The following LYG2 variants were observed in gnomAD, a reference collection of about 807,000 sequenced individuals.
LYG2 encodes the protein lysozyme g-like protein 2.
A neutral mutation model predicts 22.4 loss-of-function variants in LYG2; 25 were observed. The observed-to-expected ratio is 1.12, with a 90% CI of 0.81 to 1.56. The LOEUF is 1.56. Ranked by LOEUF, LYG2 falls within the 40% of genes most tolerant of loss-of-function variation. The pLI, the probability that LYG2 is intolerant of heterozygous loss-of-function variation, is 0.00. For synonymous variants in LYG2, 88 were observed against 97.0 expected (o/e 0.91, Z 0.55); for missense variants, 266 against 269.5 (o/e 0.99, Z 0.09).
At chr2:99,252,368 G>A (rs986640388) in intron 3 of LYG2, among the ~76,000 whole-genome samples, 16 of 150,774 alleles carry the variant, frequency 1.1e-4, no homozygotes, top group Non-Finnish European at 1.3e-4. Flanking sequence ...ATTTTTACAG[G>A]TGAAATGTTT....
At chr2:99,254,127 C>G (rs1398038665) in intron 3 of LYG2, 91 bp downstream of exon 3, 1 of 1,119,668 alleles carries the variant, frequency 8.9e-7, no homozygotes, top group Non-Finnish European at 1.4e-6. Flanking sequence ...TCTTCCATTA[C>G]AGGTAATCAT....
At chr2:99,243,486 GCAAA>G (rs1473304467) in intron 6 of LYG2, 245 of 1,421,916 alleles carry the variant, frequency 1.7e-4, no homozygotes, top group Admixed American at 8.8e-4. Context: ...TGAGAGGTAG[GCAAA>G]CAGATAGATA....
At chr2:99,246,588 A>T in intron 4 of LYG2, 92 bp downstream of exon 4, 4 of 1,438,666 alleles carry the variant, frequency 2.8e-6, no homozygotes, top group Non-Finnish European at 2.9e-6. Context: ...CATAATGATG[A>T]TTATACCTTT....
At chr2:99,253,028 G>A (rs1196194533) in intron 3 of LYG2, among the ~76,000 whole-genome samples, 3 of 123,282 alleles carry the variant, frequency 2.4e-5, no homozygotes, top group East Asian at 2.6e-4. Flanking sequence ...CAGCCTGGGC[G>A]ACAGAGCAAG....
Position 99,245,269 on chromosome 2 carries a change from A to G in LYG2, c.374T>C (p.Leu125Ser). ...GWDHRGLKFG[L>S]MQLDKQTYHP... is the part of the protein sequence containing the mutation. The stretch of plus-strand genomic sequence containing the variant: ...AAGTTTCTAGCTAAATACCTGCATC[A>G]AGCCAAATTTAAGTCCCCTGTGGTC... The change falls in exon 5 of 7, where the codon TTG becomes TCG. Residue 125 changes from leucine (L) to serine (S), a missense_variant. Physicochemically the swap from Leu to Ser is moderately radical, Grantham distance 145 (BLOSUM62 -2). Coordinates refer to ENST00000333017, the MANE Select transcript of LYG2 (RefSeq NM_175735.4). 1 of 1,603,970 alleles carries G rather than the reference A, an allele frequency of 6.2e-7. No homozygotes were observed. Among genetic ancestry groups the G allele is most frequent in the Non-Finnish European group, 8.5e-7 (1 of 1,174,508 alleles).
At chr2:99,254,388 C>T (rs182033682) in intron 2 of LYG2, 103 bp from the exon 3 acceptor site, 1 of 810,372 alleles carries the variant, frequency 1.2e-6, no homozygotes, top group Non-Finnish European at 2.0e-6. Flanking sequence ...ATTTCCAATT[C>T]ACTACTCATT....
intron 3 of LYG2, among the ~76,000 whole-genome samples, chr2:99,248,087 T>C (rs2105272154): frequency 6.6e-6 from 1 of 152,108 alleles, no homozygotes; most frequent in East Asian, 1.9e-4. Context: ...CAACAACAGG[T>C]GCTGGAGAGG....
rs776489443 is a variant in LYG2 at position 99,245,243 on chromosome 2, A to C, written c.381+19T>G. ...AGGAGGGATGCAGTGGGGCTGATAG[A>C]AAGTTTCTAGCTAAATACCTGCATC... On this transcript the variant is annotated intron_variant, in intron 5 of 6. Coordinates refer to ENST00000333017, the MANE Select transcript of LYG2 (RefSeq NM_175735.4). 6.4e-7 allele frequency: 1 copy of C among 1,567,038 alleles called. No individual in the cohort carries two copies. The highest frequency in any genetic ancestry group is 8.7e-7 in the Non-Finnish European group (1 of 1,152,572).
At chr2:99,251,422 G>C (rs2094026349) in intron 3 of LYG2, among the ~76,000 whole-genome samples, 1 of 152,034 alleles carries the variant, frequency 6.6e-6, no homozygotes, top group Admixed American at 6.6e-5. Flanking sequence ...ATTGTTGGTT[G>C]GTAATACTGT....
intron 3 of LYG2, among the ~76,000 whole-genome samples, chr2:99,251,331 A>G (rs1030350150): frequency 3.9e-5 from 6 of 152,246 alleles, no homozygotes; most frequent in Non-Finnish European, 7.3e-5. Flanking sequence ...ATATATCCAT[A>G]TAAGTCTATA....
Position 99,243,991 on chromosome 2 carries a change from C to A in LYG2, c.520+8G>T, listed in dbSNP as rs377205492. The A allele has an allele frequency of 6.2e-7, 1 of 1,614,028 alleles. No homozygotes were observed. The highest frequency in any genetic ancestry group is 8.5e-7 in the Non-Finnish European group (1 of 1,179,960). ...TCATTTAAACAAAGTACTCAGAATA[C>A]AGCCTACCTTTGAGGTGCTGAGCAA... is the stretch of plus-strand genomic sequence containing the variant. On this transcript the variant is annotated splice_region_variant and intron_variant, in intron 6 of 6. Coordinates refer to ENST00000333017, the MANE Select transcript of LYG2 (RefSeq NM_175735.4).
chr2:99,253,624 T>C (rs905877335), intron 3 of LYG2, among the ~76,000 whole-genome samples: 1 of 151,978 alleles, frequency 6.6e-6, no homozygotes, highest in Admixed American at 6.6e-5. Flanking sequence ...AGAAACCCCC[T>C]CGTCTGTCCA....
chr2:99,245,485 T>C (rs2094014457), intron 4 of LYG2, 27 bp from the exon 5 acceptor site: 1 of 1,496,394 alleles, frequency 6.7e-7, no homozygotes, highest in South Asian at 1.2e-5. Flanking sequence ...GAAACTGTTT[T>C]TCCGGGCATG....
chr2:99,261,065 T>G, the LYG2 span, among the ~76,000 whole-genome samples: 4 of 152,116 alleles, frequency 2.6e-5, no homozygotes, highest in Non-Finnish European at 5.9e-5. Flanking sequence ...CCATAAATGT[T>G]CATTTGGAGG....
chr2:99,259,389 C>T (rs896179777), upstream of LYG2, among the ~76,000 whole-genome samples: 12 of 151,686 alleles, frequency 7.9e-5, no homozygotes, highest in South Asian at 6.2e-4. Flanking sequence ...TGTAGTATAA[C>T]GATATAATGG....
chr2:99,247,539 A>G (rs1286985026), intron 3 of LYG2, among the ~76,000 whole-genome samples: 1 of 151,902 alleles, frequency 6.6e-6, no homozygotes, highest in Non-Finnish European at 1.5e-5. Context: ...CCTTCACCCA[A>G]ATAGTGAACA....
intron 3 of LYG2, among the ~76,000 whole-genome samples, chr2:99,250,653 C>A (rs527806767): frequency 1.3e-5 from 2 of 152,144 alleles, no homozygotes; most frequent in Non-Finnish European, 2.9e-5. Context: ...GGATTACAGG[C>A]GTGAGCCACC....
At chr2:99,260,334 G>A (rs1216260222), upstream of LYG2, among the ~76,000 whole-genome samples, 7 of 152,204 alleles carry the variant, frequency 4.6e-5, no homozygotes, top group African/African-American at 1.7e-4. Flanking sequence ...CTCATTTAAA[G>A]TGTGCAATTC....
upstream of LYG2, among the ~76,000 whole-genome samples, chr2:99,257,763 G>C (rs142539877): frequency 6.6e-4 from 100 of 152,278 alleles, no homozygotes; most frequent in African/African-American, 2.4e-3. Flanking sequence ...TAACAGATTT[G>C]GGGTTCCTGG....
Sources: gnomAD v4.1 joint callset for allele counts (sites outside exome capture counted in the v4.1 genomes callset) on GRCh38, gnomAD v4.1.1 for gene constraint, MANE v1.5 for transcripts, NCBI Gene and HGNC (gene_info 2026-07-23, HGNC 2026-07-21) for gene names.